The following ABCA13 variants were observed in gnomAD, a reference collection of about 807,000 sequenced individuals.
ABCA13 encodes the protein ATP-binding cassette sub-family A member 13.
In ABCA13, 476 loss-of-function variants were observed where a neutral mutation model predicts 478.7. The observed-to-expected ratio is 0.99, with a 90% CI of 0.92 to 1.07. The LOEUF is 1.07. Among genes scored for constraint, ABCA13 ranks in the 50% least tolerant of loss-of-function variants. The pLI, the probability that ABCA13 is intolerant of heterozygous loss-of-function variation, is 0.00. For synonymous variants in ABCA13, 2,252 were observed against 2,158.9 expected, an observed-to-expected ratio of 1.04 and a Z score of -1.20; for missense variants, 6,060 against 5,910.6, an observed-to-expected ratio of 1.03 and a Z score of -0.83.
Position 48,376,570 on chromosome 7 carries a change from C to T in ABCA13, c.11333C>T (p.Pro3778Leu), listed in dbSNP as rs1813515111. Residue 3778 changes from proline to leucine, a missense_variant and splice_region_variant, in exon 35 of 62, where the codon CCT becomes CTT. Transcript: ENST00000435803. ...LCGWYLSNLI[P>L]GTFGLRKPWY... ...GGATGGTACTTGAGCAACTTGATTCCTGGTAAGAATTTTGCCTTTTGTAAG... is the reference window on the plus strand; with the variant it reads ...GGATGGTACTTGAGCAACTTGATTCTTGGTAAGAATTTTGCCTTTTGTAAG... The T allele has an allele frequency of 1.9e-6, 3 of 1,613,200 alleles. No individual in the cohort carries two copies. Among genetic ancestry groups the T allele is most frequent in the Non-Finnish European group, 2.5e-6 (3 of 1,179,606 alleles).
At position 48,279,173 on chromosome 7, in the gene ABCA13, A is replaced by G. The variant is rs536708068; in HGVS notation, c.7979A>G (p.Asn2660Ser). 6.4e-5 allele frequency: 103 copies of G among 1,601,178 alleles called. No individual in the cohort carries two copies. In the Middle Eastern group the frequency reaches 9.9e-4, roughly 15 times the overall value. The change falls in exon 18 of 62, where the codon AAC becomes AGC. Residue 2660 changes from asparagine (N) to serine (S), a missense_variant. By Grantham distance (46) the Asn-to-Ser change is conservative. Coordinates refer to ENST00000435803, the MANE Select transcript of ABCA13 (RefSeq NM_152701.5). ...EDMRSLAVAF[N>S]NETQTFSMDS... ...ATGAGGAGTCTTGCGGTAGCATTTA[A>G]CAATGAGACTCAAACATTTTCTATG...
intron 15 of ABCA13, among the ~76,000 whole-genome samples, chr7:48,254,596 C>T (rs73097136): frequency 0.012 from 1,778 of 151,570 alleles, 8 homozygotes; most frequent in Middle Eastern, 0.024. Flanking sequence ...TAATGCGACA[C>T]TCTGCATGAT....
At chr7:48,285,300 C>T (rs17132215) in intron 19 of ABCA13, among the ~76,000 whole-genome samples, 1 of 151,864 alleles carries the variant, frequency 6.6e-6, no homozygotes, top group Admixed American at 6.6e-5. Context: ...CTGAATGTGT[C>T]CTTGGAGCCA....
At position 48,643,408 on chromosome 7, in the gene ABCA13, T is replaced by C. The variant is rs1323152584; in HGVS notation, c.14943+15T>C. The C allele has an allele frequency of 6.4e-7, 1 of 1,567,318 alleles. No homozygotes were observed. Among genetic ancestry groups the C allele is most frequent in the Admixed American group, 1.7e-5 (1 of 58,594 alleles). On this transcript the variant is annotated intron_variant, in intron 60 of 61. Transcript: ENST00000435803. The stretch of plus-strand genomic sequence containing the variant: ...TTCAGTTCAAGGTAGTGCTAATATC[T>C]TGTATTATTTCTTTGTTTTCAGCTA...
intron 55 of ABCA13, among the ~76,000 whole-genome samples, chr7:48,572,355 G>C (rs1321820420): frequency 6.6e-6 from 1 of 151,728 alleles, no homozygotes; most frequent in Non-Finnish European, 1.5e-5. Flanking sequence ...GTCTTGCTCT[G>C]TCACCCAGGC....
chr7:48,421,508 G>C (rs1043866703), intron 41 of ABCA13, among the ~76,000 whole-genome samples: 1 of 152,192 alleles, frequency 6.6e-6, no homozygotes, highest in Non-Finnish European at 1.5e-5. Context: ...ATACCAAGTT[G>C]AGCCAGTGGG....
At position 48,245,896 on chromosome 7, in the gene ABCA13, C is replaced by A; in HGVS notation, c.1525C>A (p.Arg509Ser). 1 of 1,613,222 alleles carries A rather than the reference C, an allele frequency of 6.2e-7. No homozygotes were observed. The highest frequency in any genetic ancestry group is 1.7e-5 in the Admixed American group (1 of 59,924). Residue 509 changes from arginine (R) to serine (S), a missense_variant, in exon 13 of 62, where the codon CGT (arginine) becomes AGT (serine). This residue lies in a region of ABCA13 where 4,423 missense variants were observed against 4,309.1 expected (regional missense o/e 1.03). Coordinates refer to ENST00000435803, the MANE Select transcript of ABCA13 (RefSeq NM_152701.5). ...LAKNAVCPNG[R>S]FSEKEVFLPP... ...GAAGAATGCTGTCTGCCCGAATGGT[C>A]GTTTCTCTGAGAAGGAGGTCTTTTT...
At chr7:48,585,731 C>T (rs1281713118) in intron 56 of ABCA13, among the ~76,000 whole-genome samples, 3 of 151,896 alleles carry the variant, frequency 2.0e-5, no homozygotes, top group Admixed American at 2.0e-4. Context: ...AGAATTTTTC[C>T]CTCTTCTCCT....
At chr7:48,214,657 C>G (rs983943812) in intron 3 of ABCA13, among the ~76,000 whole-genome samples, 27 of 152,210 alleles carry the variant, frequency 1.8e-4, no homozygotes, top group African/African-American at 6.0e-4. Context: ...GAGACGGCTT[C>G]TTTCCTGAAA....
chr7:48,630,708 T>G (rs1463551664), intron 59 of ABCA13, among the ~76,000 whole-genome samples: 3 of 152,162 alleles, frequency 2.0e-5, no homozygotes, highest in Non-Finnish European at 4.4e-5. Flanking sequence ...TAGCTCTGTT[T>G]TAAGTTTTTG....
At position 48,272,076 on chromosome 7, in the gene ABCA13, A is replaced by G; in HGVS notation, c.2410A>G (p.Met804Val). The change falls in exon 17 of 62, where the codon ATG becomes GTG. Residue 804 changes from methionine (M) to valine (V), a missense_variant. By Grantham distance (21) the Met-to-Val change is conservative. This residue lies in a region of ABCA13 where 4,423 missense variants were observed against 4,309.1 expected (regional missense o/e 1.03). Coordinates refer to ENST00000435803, the MANE Select transcript of ABCA13 (RefSeq NM_152701.5). ...LEFGNEVIWKMQTLGSHWIRK... is the reference protein window; with the variant it reads ...LEFGNEVIWKVQTLGSHWIRK... ...ATTTGGCAACGAAGTGATTTGGAAA[A>G]TGCAGACTCTCGGAAGTCACTGGAT... 6.2e-7 allele frequency: 1 copy of G among 1,613,792 alleles called. No homozygotes were observed. The highest frequency in any genetic ancestry group is 8.5e-7 in the Non-Finnish European group (1 of 1,179,766).
At chr7:48,489,398 T>A in intron 48 of ABCA13, 54 bp downstream of exon 48, 1 of 1,427,528 alleles carries the variant, frequency 7.0e-7, no homozygotes, top group Non-Finnish European at 9.5e-7. Context: ...ACAATGTTTT[T>A]AAAAGTGAAA....
At chr7:48,234,987 T>C (rs1438580482) in intron 8 of ABCA13, among the ~76,000 whole-genome samples, 1 of 152,206 alleles carries the variant, frequency 6.6e-6, no homozygotes, top group South Asian at 2.1e-4. Context: ...ATAGCACTTT[T>C]CACATTTCAG....
At chr7:48,378,462 A>G (rs1252599794) in intron 35 of ABCA13, among the ~76,000 whole-genome samples, 2 of 152,228 alleles carry the variant, frequency 1.3e-5, no homozygotes, top group Non-Finnish European at 2.9e-5. Flanking sequence ...TACCTTGGCC[A>G]TCTGAACCAT....
chr7:48,356,902 A>C (rs930281947), intron 31 of ABCA13, among the ~76,000 whole-genome samples: 1 of 152,044 alleles, frequency 6.6e-6, no homozygotes, highest in African/African-American at 2.4e-5. Flanking sequence ...GTTTTCAGAA[A>C]ACAAAAACCA....
At chr7:48,330,195 A>T (rs1450996176) in intron 27 of ABCA13, among the ~76,000 whole-genome samples, 1 of 151,500 alleles carries the variant, frequency 6.6e-6, no homozygotes, top group Admixed American at 6.6e-5. Flanking sequence ...CCATTAATCT[A>T]TCAATCCATT....
At chr7:48,269,774 T>C (rs1795350512) in intron 16 of ABCA13, among the ~76,000 whole-genome samples, 1 of 152,238 alleles carries the variant, frequency 6.6e-6, no homozygotes, top group Non-Finnish European at 1.5e-5. Flanking sequence ...CAGGTTTCTA[T>C]ATATTTCACA....
At chr7:48,560,304 A>G (rs1409833580) in intron 55 of ABCA13, among the ~76,000 whole-genome samples, 1 of 152,130 alleles carries the variant, frequency 6.6e-6, no homozygotes, top group Admixed American at 6.5e-5. Context: ...ACAGGGCAGC[A>G]TTTAGTTCAG....
At chr7:48,518,604 T>G (rs1563384110) in intron 52 of ABCA13, among the ~76,000 whole-genome samples, 1 of 152,168 alleles carries the variant, frequency 6.6e-6, no homozygotes, top group Non-Finnish European at 1.5e-5. Flanking sequence ...AAAAGCAGCT[T>G]ATTGCTTTTG....
Sources: allele counts gnomAD v4.1 joint callset (sites outside exome capture counted in the v4.1 genomes callset), GRCh38; gene constraint gnomAD v4.1.1; regional missense constraint gnomAD v4.1.1; transcripts MANE v1.5; gene names NCBI Gene and HGNC (gene_info 2026-07-23, HGNC 2026-07-21).